The following NOX4 variants were observed in gnomAD, a reference collection of about 807,000 sequenced individuals.
NOX4 encodes the protein NADPH oxidase 4.
Under a neutral mutation model 87.6 loss-of-function variants are expected in NOX4, and 69 were observed. The ratio of observed to expected loss-of-function variants is 0.79; its 90% CI spans 0.65 to 0.96. The LOEUF is 0.96. NOX4 is among the 40% of genes least tolerant of loss of function. The pLI is 0.00. For missense variants in NOX4, 680 were observed against 681.5 expected, an observed-to-expected ratio of 1.00 and a Z score of 0.02; for synonymous variants, 275 against 238.2, an observed-to-expected ratio of 1.15 and a Z score of -1.42.
chr11:89,335,956 G>T lies in NOX4; in HGVS notation c.1516-11C>A. ...TTCTCCAATTATCTTCTGCCAAAAA[G>T]AAAGCACTACATTATTCGATATTTA... On this transcript the variant is annotated splice_polypyrimidine_tract_variant and intron_variant, in intron 16 of 17. Transcript: ENST00000263317. The T allele has an allele frequency of 6.6e-7, 1 of 1,503,818 alleles. No homozygotes were observed. Among genetic ancestry groups the T allele is most frequent in the Non-Finnish European group, 9.2e-7 (1 of 1,088,144 alleles). The allele number at this position is 1,503,818 out of a possible 1,614,324, so 93.2% of individuals were successfully genotyped here.
chr11:89,442,041 C>T (rs1944481161), intron 5 of NOX4, among the ~76,000 whole-genome samples: 1 of 146,540 alleles, frequency 6.8e-6, no homozygotes, highest in Non-Finnish European at 1.5e-5. Flanking sequence ...TATTTATTTA[C>T]ATAATATTTA....
chr11:89,407,835 T>C (rs1942270392), intron 8 of NOX4, among the ~76,000 whole-genome samples: 1 of 152,078 alleles, frequency 6.6e-6, no homozygotes, highest in African/African-American at 2.4e-5. Flanking sequence ...GCCAGAATCA[T>C]CCCTACTTTA....
chr11:89,523,745 G>T, the NOX4 span, among the ~76,000 whole-genome samples: 2 of 152,106 alleles, frequency 1.3e-5, no homozygotes, highest in African/African-American at 4.8e-5. Context: ...TGAGTGAAGA[G>T]ATAAACAAAA....
chr11:89,472,180 TA>T (rs1255370603), intron 2 of NOX4, among the ~76,000 whole-genome samples: 1 of 152,080 alleles, frequency 6.6e-6, no homozygotes, highest in African/African-American at 2.4e-5. Flanking sequence ...ATTCTGAAAA[TA>T]AACTACCAAT....
chr11:89,559,215 A>G, the NOX4 span, among the ~76,000 whole-genome samples: 24 of 152,252 alleles, frequency 1.6e-4, no homozygotes, highest in Admixed American at 1.6e-3. Flanking sequence ...AGAAAAACAG[A>G]TATTCAATAA....
chr11:89,337,012 T>C (rs977826588), intron 16 of NOX4, among the ~76,000 whole-genome samples: 1 of 152,084 alleles, frequency 6.6e-6, no homozygotes, highest in East Asian at 1.9e-4. Context: ...TAAACTAATA[T>C]ATGTGAAATT....
intron 8 of NOX4, among the ~76,000 whole-genome samples, chr11:89,407,853 G>T (rs2135212281): frequency 6.6e-6 from 1 of 152,072 alleles, no homozygotes; most frequent in African/African-American, 2.4e-5. Context: ...TTAATTTCAT[G>T]TTAAAAATAT....
intron 2 of NOX4, among the ~76,000 whole-genome samples, chr11:89,480,036 T>C (rs1251284644): frequency 6.6e-6 from 1 of 152,158 alleles, no homozygotes; most frequent in East Asian, 1.9e-4. Context: ...CCTTAGTATA[T>C]GCGGGTTTCA....
upstream of NOX4, among the ~76,000 whole-genome samples, chr11:89,499,636 C>A (rs1299971636): frequency 2.6e-5 from 4 of 152,070 alleles, no homozygotes; most frequent in African/African-American, 9.7e-5. Context: ...TTTTTGTTTC[C>A]ATTCTCACAA....
chr11:89,364,758 T>C (rs1938816907), intron 12 of NOX4, among the ~76,000 whole-genome samples: 1 of 152,122 alleles, frequency 6.6e-6, no homozygotes, highest in South Asian at 2.1e-4. Context: ...TTATGTGGAA[T>C]TGAATTATCT....
At chr11:89,529,795 A>T in the NOX4 span, among the ~76,000 whole-genome samples, 1 of 152,202 alleles carries the variant, frequency 6.6e-6, no homozygotes, top group African/African-American at 2.4e-5. Flanking sequence ...TGGTAAATAT[A>T]TTCAAGACAG....
intron 3 of NOX4, among the ~76,000 whole-genome samples, chr11:89,449,979 T>C (rs1212036301): frequency 6.6e-6 from 1 of 152,204 alleles, no homozygotes; most frequent in Non-Finnish European, 1.5e-5. Context: ...AAAAATAAGA[T>C]TATTTTAAAA....
chr11:89,459,752 T>G (rs951780139), intron 2 of NOX4, among the ~76,000 whole-genome samples: 2 of 152,158 alleles, frequency 1.3e-5, no homozygotes, highest in Non-Finnish European at 2.9e-5. Context: ...ATTTACAGAT[T>G]CACTGCCATC....
chr11:89,533,206 C>A, the NOX4 span, among the ~76,000 whole-genome samples: 1 of 152,186 alleles, frequency 6.6e-6, no homozygotes, highest in Non-Finnish European at 1.5e-5. Context: ...TTATTTGCTA[C>A]AATTTTGGCC....
the NOX4 span, among the ~76,000 whole-genome samples, chr11:89,518,025 A>G: frequency 6.6e-6 from 1 of 152,142 alleles, no homozygotes. Context: ...ACACTTTTAC[A>G]TTAAATCTCT....
intron 7 of NOX4, among the ~76,000 whole-genome samples, chr11:89,426,672 G>T (rs528610273): frequency 4.6e-5 from 7 of 152,192 alleles, no homozygotes; most frequent in African/African-American, 1.7e-4. Flanking sequence ...GCAAGGCTTG[G>T]GGAGGGGCGC....
chr11:89,373,554 A>G (rs1485031797), intron 11 of NOX4, 62 bp from the exon 12 acceptor site: 7 of 1,082,234 alleles, frequency 6.5e-6, no homozygotes, highest in Non-Finnish European at 1.0e-5. Flanking sequence ...TTATAATTCA[A>G]TTACAACTTT....
intron 6 of NOX4, among the ~76,000 whole-genome samples, chr11:89,438,361 T>C (rs1229828946): frequency 9.1e-6 from 1 of 110,486 alleles, no homozygotes; most frequent in Non-Finnish European, 1.7e-5. Flanking sequence ...TACTATATAT[T>C]ATATAATATA....
intron 11 of NOX4, among the ~76,000 whole-genome samples, chr11:89,376,144 C>A (rs754437020): frequency 6.6e-6 from 1 of 152,118 alleles, no homozygotes; most frequent in Admixed American, 6.5e-5. Flanking sequence ...TGGTTTTGAA[C>A]GGATAAAACA....
Sources: gnomAD v4.1 joint callset for allele counts (sites outside exome capture counted in the v4.1 genomes callset) on GRCh38, gnomAD v4.1.1 for gene constraint, MANE v1.5 for transcripts, NCBI Gene and HGNC (gene_info 2026-07-23, HGNC 2026-07-21) for gene names.